Variants in OLFML2A observed in about 807,000 individuals in gnomAD.
OLFML2A encodes the protein olfactomedin-like protein 2A.
OLFML2A carries 47 observed loss-of-function variants against 60.9 expected under a neutral mutation model. That is an observed-to-expected ratio of 0.77 (90% CI 0.61 to 0.98). OLFML2A has a LOEUF of 0.98. OLFML2A is among the 50% of genes least tolerant of loss of function. The pLI is 0.00. For missense variants in OLFML2A, 922 were observed against 879.8 expected, an observed-to-expected ratio of 1.05 and a Z score of -0.61; for synonymous variants, 372 against 375.0, an observed-to-expected ratio of 0.99 and a Z score of 0.09.
intron 1 of OLFML2A, among the ~76,000 whole-genome samples, chr9:124,785,390 CTTTTTTT>C (rs1171618111): frequency 3.2e-5 from 2 of 62,254 alleles, no homozygotes; most frequent in Non-Finnish European, 5.6e-5. Context: ...CATTTTCTTT[CTTTTTTT>C]TTTTTTTTTT....
Position 124,799,498 on chromosome 9 carries a change from C to A in OLFML2A, c.669+7C>A. The A allele has an allele frequency of 1.9e-6, 3 of 1,575,158 alleles. 1 individual carries two copies. In the South Asian group the frequency reaches 3.5e-5, roughly 18 times the overall value. The stretch of plus-strand genomic sequence containing the variant: ...CACTGGTAGCAAGGCCCAGGTGAGG[C>A]CCCAGCTCTGATCATGGGGCCGGAG... On this transcript the variant is annotated splice_region_variant and intron_variant, in intron 4 of 7. Transcript: ENST00000373580.
In OLFML2A at chr9:124,809,959, GC is replaced by G. The variant is rs752380852; in HGVS notation, c.1509del (p.Asp504ThrfsTer44). 5 of 1,614,174 alleles carry G rather than the reference GC, an allele frequency of 3.1e-6. No individual in the cohort carries two copies. In the African/African-American group the frequency reaches 4.0e-5, roughly 13 times the overall value. ...GCTTCGTGGCCTCCTGGGCGCTGCT[GC>G]CCGACGTGGTATATGAGGACACCAC... ...QRFVASWALL[P>X]DVVYEDTTPW... is the part of the protein sequence containing the mutation. On this transcript the variant is annotated frameshift_variant, in exon 8 of 8. Transcript: ENST00000373580. LOFTEE classifies it high-confidence loss of function.
At position 124,812,520 on chromosome 9, in the gene OLFML2A, TA is replaced by T. The variant is rs1480211952; in HGVS notation, c.*2110del. ...AGGCATTGTCAGGTGCTGTTTTGTTTAAGCTCTAACTCACCCCTGGAATACA... is the reference window on the plus strand; with the variant it reads ...AGGCATTGTCAGGTGCTGTTTTGTTTAGCTCTAACTCACCCCTGGAATACA... On this transcript the variant is annotated 3_prime_UTR_variant, in exon 8 of 8. Coordinates refer to ENST00000373580, the MANE Select transcript of OLFML2A (RefSeq NM_182487.4). 5 of 152,244 alleles carry T rather than the reference TA, an allele frequency of 3.3e-5. No homozygotes were observed. 9.4% of individuals were successfully genotyped at this position (152,244 alleles called of 1,614,324 possible).
At chr9:124,783,839 C>T (rs1841406766) in intron 1 of OLFML2A, among the ~76,000 whole-genome samples, 1 of 152,242 alleles carries the variant, frequency 6.6e-6, no homozygotes, top group South Asian at 2.1e-4. Context: ...TACACAAACT[C>T]AGATCTCATA....
chr9:124,791,558 A>G (rs1009218481), intron 2 of OLFML2A, among the ~76,000 whole-genome samples: 3 of 151,936 alleles, frequency 2.0e-5, no homozygotes, highest in Admixed American at 1.3e-4. Flanking sequence ...CCAACGTGAC[A>G]AAACCCTGTC....
chr9:124,810,652 C>T lies in OLFML2A; in HGVS notation c.*240C>T. ...TACCCGTTTGATTCTCCTAGCACCTCCCTTGGAGGTAGAGATCATGAACCC... is the reference window on the plus strand; with the variant it reads ...TACCCGTTTGATTCTCCTAGCACCTTCCTTGGAGGTAGAGATCATGAACCC... On this transcript the variant is annotated 3_prime_UTR_variant, in exon 8 of 8. Coordinates refer to ENST00000373580, the MANE Select transcript of OLFML2A (RefSeq NM_182487.4). The T allele has an allele frequency of 3.6e-6, 2 of 562,848 alleles. No individual in the cohort carries two copies. Among genetic ancestry groups the T allele is most frequent in the Non-Finnish European group, 6.3e-6 (2 of 316,318 alleles). The allele number at this position is 562,848 out of a possible 1,614,324, so 34.9% of individuals were successfully genotyped here. A position where few individuals can be genotyped will look rare whatever the true frequency, so the allele number is the denominator to read the frequency against.
At chr9:124,797,145 A>G (rs1841683633) in intron 3 of OLFML2A, among the ~76,000 whole-genome samples, 1 of 152,066 alleles carries the variant, frequency 6.6e-6, no homozygotes, top group South Asian at 2.1e-4. Context: ...ACACTCAGCT[A>G]GTTTTTTGTG....
At chr9:124,798,194 A>T (rs1203141450) in intron 3 of OLFML2A, among the ~76,000 whole-genome samples, 1 of 152,228 alleles carries the variant, frequency 6.6e-6, no homozygotes, top group Admixed American at 6.5e-5. Flanking sequence ...AAAAGATTGG[A>T]AGCAACTTAA....
Position 124,813,269 on chromosome 9 carries a change from G to GC in OLFML2A, c.*2857_*2858insC, listed in dbSNP as rs1233835839. ...TGGCCAGTTTCTTCATTTTACATAT[G>GC]GTCACATTGGCGCCTAGAACAGTTA... On this transcript the variant is annotated 3_prime_UTR_variant, in exon 8 of 8. Coordinates refer to ENST00000373580, the MANE Select transcript of OLFML2A (RefSeq NM_182487.4). 11 of 152,208 alleles carry GC rather than the reference G, an allele frequency of 7.2e-5. No individual in the cohort carries two copies. Among genetic ancestry groups the GC allele is most frequent in the African/African-American group, 1.9e-4 (8 of 41,432 alleles). The allele number at this position is 152,208 out of a possible 1,614,324, so 9.4% of individuals were successfully genotyped here.
chr9:124,797,613 C>T (rs1205040863), intron 3 of OLFML2A, among the ~76,000 whole-genome samples: 3 of 152,198 alleles, frequency 2.0e-5, no homozygotes, highest in East Asian at 3.8e-4. Flanking sequence ...TCTGTTGCTC[C>T]GCGGCTTCTC....
chr9:124,800,877 A>T (rs1443024163), intron 4 of OLFML2A: 1 of 1,498,406 alleles, frequency 6.7e-7, no homozygotes, highest in Non-Finnish European at 8.9e-7. Flanking sequence ...GAAATGGCAT[A>T]TCCTAGAGGT....
At chr9:124,798,178 A>G (rs1021557856) in intron 3 of OLFML2A, among the ~76,000 whole-genome samples, 5 of 152,372 alleles carry the variant, frequency 3.3e-5, no homozygotes, top group African/African-American at 1.2e-4. Context: ...GTAATTTTAA[A>G]GTAGCAAAAG....
intron 1 of OLFML2A, among the ~76,000 whole-genome samples, chr9:124,778,504 A>G (rs2131234350): frequency 6.6e-6 from 1 of 152,252 alleles, no homozygotes. Flanking sequence ...GCTTGAGGCC[A>G]GGAGTTCAGG....
intron 1 of OLFML2A, among the ~76,000 whole-genome samples, chr9:124,782,273 C>G (rs985202120): frequency 2.0e-5 from 3 of 152,232 alleles, no homozygotes; most frequent in African/African-American, 7.2e-5. Context: ...TGACCCTGGG[C>G]AAGCCCCTAG....
intron 6 of OLFML2A, among the ~76,000 whole-genome samples, chr9:124,804,548 A>C (rs1350890381): frequency 1.3e-5 from 2 of 149,294 alleles, no homozygotes; most frequent in South Asian, 2.1e-4. Flanking sequence ...ACATGGAAAA[A>C]CCCCCTCTCT....
In OLFML2A at chr9:124,777,650, T is replaced by G. The variant is rs1841282292; in HGVS notation, c.90+290T>G. Among the ~76,000 whole-genome samples, 1 of 151,836 alleles carries G rather than the reference T, an allele frequency of 6.6e-6. No homozygotes were observed. The highest frequency in any genetic ancestry group is 2.4e-5 in the African/African-American group (1 of 41,310). ...GAGGGGTCGGGGGATTTCCCCGGAG[T>G]GCTGGCCAGACTCGGGGTTCGTAGG... On this transcript the variant is annotated intron_variant, in intron 1 of 7. Transcript: ENST00000373580. This position sits in a 1 kb window ranked among gnomAD's most constrained non-coding sequence, Gnocchi z 6.2.
At position 124,802,914 on chromosome 9, in the gene OLFML2A, T is replaced by TA. The variant is rs569620746; in HGVS notation, c.920-1180_920-1179insA. On this transcript the variant is annotated intron_variant, in intron 5 of 7. Coordinates refer to ENST00000373580, the MANE Select transcript of OLFML2A (RefSeq NM_182487.4). ...TCCTTTGTCTCCCTGGTGTCACAAT[T>TA]TTTTTTTTTTTGAGACAGAGTTTCG... 1.5e-3 allele frequency among the ~76,000 whole-genome samples: 222 copies of TA among 145,570 alleles called. 1 individual carries two copies. The highest frequency in any genetic ancestry group is 5.7e-3 in the African/African-American group (213 of 37,340).
intron 1 of OLFML2A, among the ~76,000 whole-genome samples, chr9:124,780,497 C>G (rs554267101): frequency 6.6e-6 from 1 of 152,196 alleles, no homozygotes; most frequent in African/African-American, 2.4e-5. Context: ...ATCAGATGTT[C>G]CAGGCCAGGC....
At chr9:124,804,766 T>A (rs1400834793) in intron 6 of OLFML2A, among the ~76,000 whole-genome samples, 2 of 151,600 alleles carry the variant, frequency 1.3e-5, no homozygotes, top group Non-Finnish European at 2.9e-5. Flanking sequence ...TGCAGTGCAA[T>A]GGTGAGATCT....
Sources: allele counts gnomAD v4.1 joint callset (sites outside exome capture counted in the v4.1 genomes callset), GRCh38; gene constraint gnomAD v4.1.1; non-coding constraint Gnocchi (gnomAD v3.1); transcripts MANE v1.5; gene names NCBI Gene and HGNC (gene_info 2026-07-23, HGNC 2026-07-21).